Variants in GSK3B observed in about 807,000 individuals in gnomAD.
GSK3B encodes the protein glycogen synthase kinase-3 beta.
A neutral mutation model predicts 56.4 loss-of-function variants in GSK3B; 15 were observed. The ratio of observed to expected loss-of-function variants is 0.27; its 90% CI spans 0.18 to 0.41. The LOEUF is 0.41. Among genes scored for constraint, GSK3B ranks in the 10% least tolerant of loss-of-function variants. The pLI is 1.00. For missense variants in GSK3B, 300 were observed against 513.4 expected, an observed-to-expected ratio of 0.58 and a Z score of 4.02; for synonymous variants, 181 against 188.9, an observed-to-expected ratio of 0.96 and a Z score of 0.34.
Position 119,843,334 on chromosome 3 carries a change from A to G in GSK3B, c.1116T>C (p.Pro372=), listed in dbSNP as rs776780303. 1 of 1,607,542 alleles carries G rather than the reference A, an allele frequency of 6.2e-7. No individual in the cohort carries two copies. The highest frequency in any genetic ancestry group is 8.5e-7 in the Non-Finnish European group (1 of 1,174,706). Residue 372 remains proline, a synonymous_variant, in exon 10 of 11, where the codon CCT becomes CCC. Coordinates refer to ENST00000264235, the MANE Select transcript of GSK3B (RefSeq NM_001146156.2). ...FTTQELSSNP[P]LATILIPPHA... The stretch of plus-strand genomic sequence containing the variant: ...GAGGAGGAATAAGGATGGTAGCCAG[A>G]GGTGGATTACTTGACAGTTCTATAG...
At chr3:119,850,634 G>A (rs1187373637) in intron 9 of GSK3B, among the ~76,000 whole-genome samples, 1 of 151,912 alleles carries the variant, frequency 6.6e-6, no homozygotes, top group Non-Finnish European at 1.5e-5. Context: ...GTCTACCCAT[G>A]GCAATGAGTG....
intron 3 of GSK3B, among the ~76,000 whole-genome samples, chr3:119,940,592 C>A (rs2057038755): frequency 6.6e-6 from 1 of 151,980 alleles, no homozygotes; most frequent in Non-Finnish European, 1.5e-5. Flanking sequence ...TGTGGGGGCT[C>A]AAATCTCATC....
intron 8 of GSK3B, among the ~76,000 whole-genome samples, chr3:119,867,182 A>G (rs1045803711): frequency 1.3e-5 from 2 of 152,198 alleles, no homozygotes; most frequent in African/African-American, 4.8e-5. Context: ...TATTTAAGTT[A>G]TATTACTATA....
intron 1 of GSK3B, among the ~76,000 whole-genome samples, chr3:120,007,976 T>C (rs2057744007): frequency 6.6e-6 from 1 of 152,182 alleles, no homozygotes; most frequent in East Asian, 1.9e-4. Context: ...GAAGTCAAAT[T>C]GTCTCTGTTT....
intron 8 of GSK3B, among the ~76,000 whole-genome samples, chr3:119,864,074 C>G (rs1029378849): frequency 6.6e-6 from 1 of 152,112 alleles, no homozygotes; most frequent in African/African-American, 2.4e-5. Flanking sequence ...TACTCTAGGT[C>G]TATAAATGCT....
Position 119,821,331 on chromosome 3 carries a change from A to G in GSK3B, c.*5457T>C, listed in dbSNP as rs1313750971. The G allele has an allele frequency of 1.3e-5, 2 of 151,984 alleles. No homozygotes were observed. The highest frequency in any genetic ancestry group is 2.4e-5 in the African/African-American group (1 of 41,324). The allele number at this position is 151,984 out of a possible 1,614,324, so 9.4% of individuals were successfully genotyped here. On this transcript the variant is annotated 3_prime_UTR_variant, in exon 11 of 11. Transcript: ENST00000264235. ...GAGGACCACACTTTATCGAATATAA[A>G]TTTGTTTTTATTGAAGCAGCAGTCA...
At chr3:119,874,775 T>C (rs2056291567) in intron 8 of GSK3B, among the ~76,000 whole-genome samples, 1 of 152,136 alleles carries the variant, frequency 6.6e-6, no homozygotes, top group African/African-American at 2.4e-5. Context: ...TTACCCAAAC[T>C]ACTGTTGGCA....
chr3:119,834,339 G>C (rs1220460878), intron 10 of GSK3B, among the ~76,000 whole-genome samples: 1 of 152,140 alleles, frequency 6.6e-6, no homozygotes, highest in Admixed American at 6.5e-5. Flanking sequence ...TATTTAATTT[G>C]AAATTATAAT....
At chr3:119,876,167 T>G (rs1173426613) in intron 8 of GSK3B, among the ~76,000 whole-genome samples, 2 of 152,172 alleles carry the variant, frequency 1.3e-5, no homozygotes, top group African/African-American at 2.4e-5. Flanking sequence ...TTCTGTACTT[T>G]AATGATATAA....
intron 7 of GSK3B, among the ~76,000 whole-genome samples, chr3:119,880,474 G>A (rs990995283): frequency 1.3e-5 from 2 of 152,046 alleles, no homozygotes; most frequent in African/African-American, 4.8e-5. Context: ...GTCCCTATGT[G>A]TAGTTTCTTG....
intron 1 of GSK3B, among the ~76,000 whole-genome samples, chr3:120,016,979 T>C (rs1384945706): frequency 6.6e-6 from 1 of 152,246 alleles, no homozygotes; most frequent in Non-Finnish European, 1.5e-5. Context: ...TTATTTTCCA[T>C]ACACGTCTAA....
In GSK3B at chr3:120,094,046, G is replaced by A. The variant is rs1268285738; in HGVS notation, c.-612C>T. Reference sequence around the variant, plus strand: ...CGCGAGTCAGTCAGAGGCGGGCGGTGGCGGTGGCGGCGGCTCCTCTCCTCA... The same window carrying A: ...CGCGAGTCAGTCAGAGGCGGGCGGTAGCGGTGGCGGCGGCTCCTCTCCTCA... On this transcript the variant is annotated 5_prime_UTR_variant, in exon 1 of 11. Transcript: ENST00000264235. The A allele has an allele frequency of 8.8e-6, 2 of 227,356 alleles. No individual in the cohort carries two copies. The highest frequency in any genetic ancestry group is 1.3e-4 in the East Asian group (2 of 15,608). The allele number at this position is 227,356 out of a possible 1,614,324, so 14.1% of individuals were successfully genotyped here.
At chr3:119,859,897 T>A (rs1299657715) in intron 9 of GSK3B, among the ~76,000 whole-genome samples, 1 of 152,170 alleles carries the variant, frequency 6.6e-6, no homozygotes, top group Non-Finnish European at 1.5e-5. Context: ...CTAGCCAACA[T>A]GCTGCCACTC....
At chr3:120,029,553 G>C in intron 1 of GSK3B, 1 of 609,958 alleles carries the variant, frequency 1.6e-6, no homozygotes, top group Non-Finnish European at 3.2e-6. Flanking sequence ...ATCACTTGGT[G>C]CATCTGGCAC....
At chr3:119,969,692 C>T (rs2057348553) in intron 2 of GSK3B, among the ~76,000 whole-genome samples, 1 of 152,162 alleles carries the variant, frequency 6.6e-6, no homozygotes, top group Non-Finnish European at 1.5e-5. Context: ...ATATGGTCAA[C>T]TAAACTTTCA....
intron 1 of GSK3B, among the ~76,000 whole-genome samples, chr3:120,091,770 C>T (rs11918691): frequency 0.032 from 4,792 of 152,050 alleles, 101 homozygotes; most frequent in Non-Finnish European, 0.046. Flanking sequence ...CTGAAAGATG[C>T]ATAATCAGCT....
At chr3:120,050,364 A>G (rs1201349001) in intron 1 of GSK3B, among the ~76,000 whole-genome samples, 2 of 152,244 alleles carry the variant, frequency 1.3e-5, no homozygotes, top group Non-Finnish European at 1.5e-5. Flanking sequence ...CAGAAGTTGC[A>G]TTCTAATAAA....
chr3:120,009,884 T>C (rs2057763634), intron 1 of GSK3B, among the ~76,000 whole-genome samples: 1 of 151,986 alleles, frequency 6.6e-6, no homozygotes, highest in South Asian at 2.1e-4. Flanking sequence ...TCAAAAGCAA[T>C]GAGGGATTCC....
chr3:119,872,502 G>A (rs888375002), intron 8 of GSK3B, among the ~76,000 whole-genome samples: 1 of 152,120 alleles, frequency 6.6e-6, no homozygotes, highest in African/African-American at 2.4e-5. Context: ...AGGAGTGACA[G>A]CATCACATGT....
Sources: gnomAD v4.1 joint callset for allele counts (sites outside exome capture counted in the v4.1 genomes callset) on GRCh38, gnomAD v4.1.1 for gene constraint, MANE v1.5 for transcripts, NCBI Gene and HGNC (gene_info 2026-07-23, HGNC 2026-07-21) for gene names.